Variants in VTI1A observed in about 807,000 individuals in gnomAD.
The protein encoded by VTI1A is vesicle transport through interaction with t-SNAREs 1A, also known as vesicle transport through interaction with t-SNAREs homolog 1A.
A neutral mutation model predicts 34.9 loss-of-function variants in VTI1A; 22 were observed. The observed-to-expected ratio is 0.63, with a 90% CI of 0.45 to 0.90. VTI1A has a LOEUF of 0.90. Ranked by LOEUF, VTI1A falls within the 40% of genes least tolerant of loss-of-function variation. The probability of loss-of-function intolerance (pLI) is 0.00; values close to 1 mark genes in which losing one functional copy is unlikely to be tolerated. For missense variants in VTI1A, 268 were observed against 275.6 expected, an observed-to-expected ratio of 0.97 and a Z score of 0.20; for synonymous variants, 87 against 97.3, an observed-to-expected ratio of 0.89 and a Z score of 0.62.
intron 5 of VTI1A, among the ~76,000 whole-genome samples, chr10:112,634,477 C>T (rs946323021): frequency 1.3e-5 from 2 of 148,152 alleles, no homozygotes; most frequent in Non-Finnish European, 3.0e-5. Flanking sequence ...CATTGCCTCT[C>T]GGTGGTTATA....
chr10:112,582,641 C>T (rs902562887), intron 5 of VTI1A, among the ~76,000 whole-genome samples: 4 of 152,138 alleles, frequency 2.6e-5, no homozygotes, highest in Non-Finnish European at 5.9e-5. Context: ...AACTCCAAAA[C>T]GCTTACCTTG....
At chr10:112,737,777 A>C (rs899569856) in intron 7 of VTI1A, 2 of 1,059,588 alleles carry the variant, frequency 1.9e-6, no homozygotes, top group South Asian at 4.6e-5. Context: ...GGAGATCAAA[A>C]AAAAAAATTA....
chr10:112,595,994 G>A (rs1026494464), intron 5 of VTI1A, among the ~76,000 whole-genome samples: 1 of 152,032 alleles, frequency 6.6e-6, no homozygotes, highest in Non-Finnish European at 1.5e-5. Flanking sequence ...AAAAAATGAT[G>A]GGTTCATGTC....
At chr10:112,723,460 A>G (rs1434092654) in intron 7 of VTI1A, among the ~76,000 whole-genome samples, 1 of 152,198 alleles carries the variant, frequency 6.6e-6, no homozygotes, top group Non-Finnish European at 1.5e-5. Flanking sequence ...ATTCTACATT[A>G]AGATCAGGCC....
chr10:112,706,927 G>T (rs1056123562), intron 7 of VTI1A, among the ~76,000 whole-genome samples: 4 of 151,952 alleles, frequency 2.6e-5, no homozygotes, highest in Admixed American at 6.6e-5. Flanking sequence ...GCTCCCACTT[G>T]CTTAAATCAC....
At chr10:112,520,134 A>G (rs1244327915) in intron 3 of VTI1A, among the ~76,000 whole-genome samples, 2 of 152,050 alleles carry the variant, frequency 1.3e-5, no homozygotes, top group Non-Finnish European at 2.9e-5. Context: ...AGTAGAGTCT[A>G]TGGAGTTATT....
At chr10:112,709,387 G>T (rs1376738427) in intron 7 of VTI1A, among the ~76,000 whole-genome samples, 1 of 151,980 alleles carries the variant, frequency 6.6e-6, no homozygotes. Context: ...GGTGCTGTGG[G>T]CTGGCCTAGG....
intron 7 of VTI1A, among the ~76,000 whole-genome samples, chr10:112,736,424 C>T (rs1018217942): frequency 1.4e-4 from 22 of 151,950 alleles, no homozygotes; most frequent in African/African-American, 3.9e-4. Context: ...GTGCCCGGCA[C>T]GTAGTAAGTT....
intron 5 of VTI1A, among the ~76,000 whole-genome samples, chr10:112,660,359 A>G (rs1427365684): frequency 6.6e-6 from 1 of 152,194 alleles, no homozygotes; most frequent in Non-Finnish European, 1.5e-5. Flanking sequence ...CGGCCTCCCA[A>G]AGTGCTGGGA....
chr10:112,519,256 A>G (rs2134202451), intron 3 of VTI1A, among the ~76,000 whole-genome samples: 1 of 152,270 alleles, frequency 6.6e-6, no homozygotes, highest in East Asian at 1.9e-4. Context: ...TTCTGAACAC[A>G]TCTTAATAGC....
chr10:112,597,148 A>T (rs1267143691), intron 5 of VTI1A, among the ~76,000 whole-genome samples: 1 of 152,172 alleles, frequency 6.6e-6, no homozygotes, highest in South Asian at 2.1e-4. Flanking sequence ...CTGGGGAGAG[A>T]GTCCTGACAT....
chr10:112,792,044 G>A (rs1852498650), intron 7 of VTI1A, among the ~76,000 whole-genome samples: 1 of 152,158 alleles, frequency 6.6e-6, no homozygotes, highest in Non-Finnish European at 1.5e-5. Flanking sequence ...GGAAGGCTGA[G>A]GCAGGCGTAT....
chr10:112,596,851 T>C (rs1190369340), intron 5 of VTI1A, among the ~76,000 whole-genome samples: 1 of 152,246 alleles, frequency 6.6e-6, no homozygotes, highest in African/African-American at 2.4e-5. Context: ...AGAACTCTTC[T>C]AAACCCTTTT....
chr10:112,593,911 T>TTTATTA (rs58986433), intron 5 of VTI1A, among the ~76,000 whole-genome samples: 2 of 149,306 alleles, frequency 1.3e-5, no homozygotes, highest in African/African-American at 5.0e-5. Context: ...TAATTTTTTT[T>TTTATTA]TTATTATTAT....
intron 7 of VTI1A, among the ~76,000 whole-genome samples, chr10:112,761,977 G>T (rs972418450): frequency 1.3e-5 from 2 of 152,106 alleles, no homozygotes; most frequent in Non-Finnish European, 2.9e-5. Flanking sequence ...GTCCTGGACA[G>T]CATTATGCTT....
At chr10:112,612,962 CT>C (rs1845377847) in intron 5 of VTI1A, among the ~76,000 whole-genome samples, 1 of 152,040 alleles carries the variant, frequency 6.6e-6, no homozygotes, top group Non-Finnish European at 1.5e-5. Context: ...ACAAATGTGG[CT>C]GTGAGGTAGG....
chr10:112,805,809 T>A (rs1438521527), intron 7 of VTI1A, among the ~76,000 whole-genome samples: 1 of 152,144 alleles, frequency 6.6e-6, no homozygotes, highest in Admixed American at 6.6e-5. Flanking sequence ...TCAGACTCTC[T>A]CACTGCTCTC....
At chr10:112,583,904 A>G (rs930878049) in intron 5 of VTI1A, among the ~76,000 whole-genome samples, 3 of 152,196 alleles carry the variant, frequency 2.0e-5, no homozygotes, top group African/African-American at 7.2e-5. Flanking sequence ...GTTGGTGCAC[A>G]TTGCCAGCAC....
At chr10:112,805,130 G>A (rs1417585560) in intron 7 of VTI1A, among the ~76,000 whole-genome samples, 1 of 151,866 alleles carries the variant, frequency 6.6e-6, no homozygotes, top group Non-Finnish European at 1.5e-5. Flanking sequence ...CCTCCCAAAT[G>A]TGTGGAGATT....
Sources: gnomAD v4.1 joint callset for allele counts (sites outside exome capture counted in the v4.1 genomes callset) on GRCh38, gnomAD v4.1.1 for gene constraint, MANE v1.5 for transcripts, NCBI Gene and HGNC (gene_info 2026-07-23, HGNC 2026-07-21) for gene names.